The following MYL4 variants were observed in gnomAD, a reference collection of about 807,000 sequenced individuals.
MYL4 encodes myosin light chain 4.
A neutral mutation model predicts 21.6 loss-of-function variants in MYL4; 16 were observed. That is an observed-to-expected ratio of 0.74 (90% CI 0.50 to 1.12). The LOEUF (loss-of-function observed/expected upper bound fraction) is 1.12, where lower values mean the gene tolerates loss of function less well. Ranked by LOEUF, MYL4 falls within the 50% of genes most tolerant of loss-of-function variation. The pLI, the probability that MYL4 is intolerant of heterozygous loss-of-function variation, is 0.00. For missense variants in MYL4, 249 were observed against 252.9 expected (o/e 0.98, Z 0.11); for synonymous variants, 82 against 95.7 (o/e 0.86, Z 0.83).
At chr17:47,191,156 A>G in the MYL4 span, among the ~76,000 whole-genome samples, 2 of 152,336 alleles carry the variant, frequency 1.3e-5, no homozygotes, top group East Asian at 3.9e-4. Flanking sequence ...TGGTCAGAGT[A>G]AGACTCAGAG....
At chr17:47,213,926 G>C (rs1276860581) in intron 2 of MYL4, 100 bp downstream of exon 2, 1 of 1,341,338 alleles carries the variant, frequency 7.5e-7, no homozygotes, top group South Asian at 1.2e-5. Flanking sequence ...CATGGTAATA[G>C]TAATCACTGT....
chr17:47,203,828 C>T (rs538382711), intron 1 of MYL4, among the ~76,000 whole-genome samples: 1 of 152,286 alleles, frequency 6.6e-6, no homozygotes, highest in Non-Finnish European at 1.5e-5. Context: ...GCCCTAAAAC[C>T]GAGAATGCTT....
At chr17:47,192,310 C>T in the MYL4 span, among the ~76,000 whole-genome samples, 1 of 138,036 alleles carries the variant, frequency 7.2e-6, no homozygotes. Flanking sequence ...GCTGAGATTG[C>T]GCCATTGTTC....
chr17:47,220,118 G>C (rs1235049227), intron 3 of MYL4, 65 bp downstream of exon 3: 3 of 1,502,806 alleles, frequency 2.0e-6, no homozygotes, highest in Non-Finnish European at 2.7e-6. Flanking sequence ...CTTCCTCCTT[G>C]TCCAGATCTT....
chr17:47,216,146 G>C (rs2064812294), intron 2 of MYL4, among the ~76,000 whole-genome samples: 1 of 149,462 alleles, frequency 6.7e-6, no homozygotes, highest in Non-Finnish European at 1.5e-5. Flanking sequence ...CCCTTGGCTT[G>C]CTTCTCATCC....
chr17:47,210,352 G>C (rs2064764933), intron 1 of MYL4, among the ~76,000 whole-genome samples: 1 of 152,164 alleles, frequency 6.6e-6, no homozygotes. Flanking sequence ...CCAGCTCTCT[G>C]GCCCAGCTGC....
At position 47,221,856 on chromosome 17, in the gene MYL4, G is replaced by C. The variant is rs769405762; in HGVS notation, c.487+1G>C. ...CTTCGGCACGTCCTTGCCACCCTGG[G>C]TATGCCAGCTGGGCAGAGATGAAGA... On this transcript the variant is annotated splice_donor_variant, in intron 4 of 6. Transcript: ENST00000393450. LOFTEE classifies it high-confidence loss of function. The C allele has an allele frequency of 5.6e-6, 9 of 1,611,974 alleles. No homozygotes were observed. Among genetic ancestry groups the C allele is most frequent in the Non-Finnish European group, 7.6e-6 (9 of 1,178,766 alleles).
chr17:47,203,398 T>C (rs926978541), intron 1 of MYL4, among the ~76,000 whole-genome samples: 3 of 152,196 alleles, frequency 2.0e-5, no homozygotes, highest in African/African-American at 7.2e-5. Context: ...CCCTAATTTG[T>C]TTCCCAGCTA....
chr17:47,192,683 T>C, the MYL4 span, among the ~76,000 whole-genome samples: 1 of 152,126 alleles, frequency 6.6e-6, no homozygotes, highest in Non-Finnish European at 1.5e-5. Context: ...CTGATTGTTG[T>C]TGACCAGGCT....
At chr17:47,226,446 G>T (rs1739397583), downstream of MYL4, among the ~76,000 whole-genome samples, 2 of 152,230 alleles carry the variant, frequency 1.3e-5, no homozygotes, top group African/African-American at 2.4e-5. Context: ...TACCTGCTGT[G>T]CACATGGCAC....
chr17:47,213,896 AGAG>A (rs758056647), intron 2 of MYL4, 70 bp downstream of exon 2: 12 of 1,513,720 alleles, frequency 7.9e-6, no homozygotes, highest in Admixed American at 3.3e-5. Flanking sequence ...AGGAGGAAGA[AGAG>A]GAGGAGTAGT....
chr17:47,205,761 C>T (rs539008591), upstream of MYL4, among the ~76,000 whole-genome samples: 38 of 152,298 alleles, frequency 2.5e-4, no homozygotes, highest in South Asian at 7.7e-3. Context: ...GACAGGCTGC[C>T]TGGCCCTAGA....
At chr17:47,198,063 T>G (rs1201346453), upstream of MYL4, among the ~76,000 whole-genome samples, 10 of 152,162 alleles carry the variant, frequency 6.6e-5, no homozygotes, top group Non-Finnish European at 1.5e-4. Flanking sequence ...TGAAAAAGAT[T>G]ATGCTAACAG....
upstream of MYL4, among the ~76,000 whole-genome samples, chr17:47,205,946 G>T (rs1353750780): frequency 6.6e-6 from 1 of 152,054 alleles, no homozygotes; most frequent in African/African-American, 2.4e-5. Flanking sequence ...CCTCTCTCTG[G>T]AAGTTCCAAA....
At chr17:47,209,753 C>A in intron 1 of MYL4, 196 bp downstream of exon 1, 1 of 759,752 alleles carries the variant, frequency 1.3e-6, no homozygotes, top group Non-Finnish European at 2.2e-6. Flanking sequence ...AAACCTTTTC[C>A]GTCAAGAATG....
At chr17:47,211,009 A>G (rs1473734511) in intron 1 of MYL4, among the ~76,000 whole-genome samples, 1 of 152,046 alleles carries the variant, frequency 6.6e-6, no homozygotes, top group Non-Finnish European at 1.5e-5. Context: ...ACAGCTGCCT[A>G]GTGGCATCAA....
At chr17:47,215,690 C>T (rs1384783800) in intron 2 of MYL4, among the ~76,000 whole-genome samples, 1 of 152,230 alleles carries the variant, frequency 6.6e-6, no homozygotes, top group Non-Finnish European at 1.5e-5. Context: ...GTCCATTCAG[C>T]ATCCTCTAGA....
At chr17:47,215,085 A>G (rs889547956) in intron 2 of MYL4, among the ~76,000 whole-genome samples, 2 of 152,202 alleles carry the variant, frequency 1.3e-5, no homozygotes, top group African/African-American at 4.8e-5. Flanking sequence ...TGCTCTCCAA[A>G]AAAGTGACAC....
upstream of MYL4, among the ~76,000 whole-genome samples, chr17:47,198,676 T>C (rs1468925466): frequency 2.0e-5 from 3 of 152,156 alleles, no homozygotes; most frequent in African/African-American, 7.2e-5. Context: ...ATGAGAAATA[T>C]CCAAAGGTTA....
Sources: allele counts gnomAD v4.1 joint callset (sites outside exome capture counted in the v4.1 genomes callset), GRCh38; gene constraint gnomAD v4.1.1; transcripts MANE v1.5; gene names NCBI Gene and HGNC (gene_info 2026-07-23, HGNC 2026-07-21).